Variants in RECQL4 observed in about 807,000 individuals in gnomAD.
The protein encoded by RECQL4 is RecQ like helicase 4.
In RECQL4, 158 loss-of-function variants were observed where a neutral mutation model predicts 128.6. The ratio of observed to expected loss-of-function variants is 1.23; its 90% CI spans 1.08 to 1.40. RECQL4 has a LOEUF of 1.40. RECQL4 is among the 40% of genes most tolerant of loss of function. RECQL4 has a pLI of 0.00. For synonymous variants in RECQL4, 996 were observed against 678.9 expected (o/e 1.47, Z -7.26); for missense variants, 2,293 against 1,649.8 (o/e 1.39, Z -6.75).
chr8:144,515,956 G>A (rs375029081), intron 5 of RECQL4, 32 bp downstream of exon 5: 41 of 1,611,632 alleles, frequency 2.5e-5, no homozygotes, highest in Middle Eastern at 1.6e-4. Context: ...GGAGGGAAAG[G>A]GAATGCCTGT....
rs995015088 is a variant in RECQL4, at chr8:144,511,937, G to C, written c.3367C>G (p.Gln1123Glu). The change falls in exon 19 of 21, where the codon CAG (glutamine) becomes GAG (glutamate). Residue 1123 changes from glutamine to glutamate, a missense_variant. Physicochemically the swap from Gln to Glu is conservative, Grantham distance 29. Transcript: ENST00000617875. ...CTGGCCTGCCCTGGCTCGGGGCCCT[G>C]TGCGTCCTCCATGCCTCCCGGCTCC... Reference protein sequence around the residue: ...GQEPGGMEDAQGPEPGQARLQ... With the variant: ...GQEPGGMEDAEGPEPGQARLQ... 2 of 1,611,342 alleles carry C rather than the reference G, an allele frequency of 1.2e-6. No individual in the cohort carries two copies. Among genetic ancestry groups the C allele is most frequent in the Non-Finnish European group, 1.7e-6 (2 of 1,179,786 alleles).
In RECQL4 at chr8:144,516,077, G is replaced by T. The variant is rs1060501360; in HGVS notation, c.1042C>A (p.His348Asn). The T allele has an allele frequency of 1.2e-6, 2 of 1,612,690 alleles. No individual in the cohort carries two copies. The highest frequency in any genetic ancestry group is 1.7e-6 in the Non-Finnish European group (2 of 1,179,868). The change falls in exon 5 of 21, where the codon CAT becomes AAT. Residue 348 changes from histidine (H) to asparagine (N), a missense_variant. Transcript: ENST00000617875. ...AGCCGTACGTAATTGCCCCTGTCAT[G>T]GCGGGCCAGCCGAGGGAAGATGTGC... ...PLHIFPRLAR[H>N]DRGNYVRLNM...
chr8:144,516,451 C>T lies in RECQL4; in HGVS notation c.668G>A (p.Gly223Asp), dbSNP rs765520744. The T allele has an allele frequency of 2.7e-5, 44 of 1,608,768 alleles. 1 individual carries two copies. In the South Asian group the frequency reaches 4.7e-4, roughly 17 times the overall value. The change falls in exon 5 of 21, where the codon GGT becomes GAT. Residue 223 changes from glycine (G) to aspartate (D), a missense_variant. Gly to Asp is a moderately conservative substitution (Grantham distance 94). Coordinates refer to ENST00000617875, the MANE Select transcript of RECQL4 (RefSeq NM_004260.4). Reference protein sequence around the residue: ...GSEESQLLIPGESAVLGPGAG... With the variant: ...GSEESQLLIPDESAVLGPGAG... ...ACCAGGACCAAGGACAGCCGACTCA[C>T]CAGGGATCAGAAGTTGTGATTCCTC...
chr8:144,516,512 C>T lies in RECQL4; in HGVS notation c.607G>A (p.Gly203Arg), dbSNP rs1336852149. The T allele has an allele frequency of 1.9e-6, 3 of 1,609,346 alleles. No individual in the cohort carries two copies. In the East Asian group the frequency reaches 6.7e-5, roughly 36 times the overall value. Residue 203 changes from glycine (G) to arginine (R), a missense_variant, in exon 5 of 21, where the codon GGG becomes AGG. Coordinates refer to ENST00000617875, the MANE Select transcript of RECQL4 (RefSeq NM_004260.4). ...TCAGGCCTGCAGGCTTTGGGGGCCCCCAGAAAATCTGGGACCTCACTGTGA... is the reference window on the plus strand; with the variant it reads ...TCAGGCCTGCAGGCTTTGGGGGCCCTCAGAAAATCTGGGACCTCACTGTGA... ...RCHSEVPDFL[G>R]APKACRPDLG...
rs2130657334 is a variant in RECQL4, at chr8:144,512,127, G to GC, written c.3236+16dup. ...GGGAGGGTGGATGGTCCCAGGCCCC[G>GC]CCCGCCTCCTCCCAACCTGTGAAAG... On this transcript the variant is annotated intron_variant, in intron 18 of 20. Transcript: ENST00000617875. 6.2e-7 allele frequency: 1 copy of GC among 1,601,442 alleles called. No individual in the cohort carries two copies. Among genetic ancestry groups the GC allele is most frequent in the Non-Finnish European group, 8.5e-7 (1 of 1,174,072 alleles).
At chr8:144,516,805 C>A (rs777648719) in intron 4 of RECQL4, 41 bp from the exon 5 acceptor site, 1 of 1,504,858 alleles carries the variant, frequency 6.6e-7, no homozygotes. Flanking sequence ...AACTCAGGCC[C>A]CTGAGCTACT....
At chr8:144,512,823 T>C (rs996450667) in intron 15 of RECQL4, 24 bp downstream of exon 15, 15 of 1,608,424 alleles carry the variant, frequency 9.3e-6, no homozygotes, top group African/African-American at 2.7e-5. Flanking sequence ...TCCACACCCC[T>C]GTGGCTTACC....
Position 144,516,557 on chromosome 8 carries a change from G to T in RECQL4, c.562C>A (p.Pro188Thr). 6.2e-7 allele frequency: 1 copy of T among 1,609,818 alleles called. No homozygotes were observed. Among genetic ancestry groups the T allele is most frequent in the Non-Finnish European group, 8.5e-7 (1 of 1,178,898 alleles). ...CTGTGACATCGCTGTAACCAGCCAG[G>T]ATCTAGGGAGCCCAGCCGCTGGCTC... is the stretch of plus-strand genomic sequence containing the variant. ...SLSQRLGSLD[P>T]GWLQRCHSEV... The change falls in exon 5 of 21, where the codon CCT becomes ACT. Residue 188 changes from proline (P) to threonine (T), a missense_variant. Coordinates refer to ENST00000617875, the MANE Select transcript of RECQL4 (RefSeq NM_004260.4).
chr8:144,515,289 C>T (rs1827996571), intron 7 of RECQL4, 37 bp downstream of exon 7: 3 of 1,610,912 alleles, frequency 1.9e-6, no homozygotes, highest in Non-Finnish European at 2.5e-6. Flanking sequence ...ACCCCAACCC[C>T]TCAGTGAAGG....
Position 144,515,329 on chromosome 8 carries a change from C to T in RECQL4, c.1387G>A (p.Ala463Thr), listed in dbSNP as rs776602501. 9 of 1,612,462 alleles carry T rather than the reference C, an allele frequency of 5.6e-6. No individual in the cohort carries two copies. The highest frequency in any genetic ancestry group is 3.3e-5 in the South Asian group (3 of 91,042). ...LYSLGPSGQL[A>T]ETPAEVFQAL... ...GGGCCAGAAGCTGACTGCTCACCTG[C>T]CAACTGCCCTGAGGGCCCCAGGGAG... The change falls in exon 7 of 21, where the codon GCA (alanine) becomes ACA (threonine). Residue 463 changes from alanine to threonine, a missense_variant. Physicochemically the swap from Ala to Thr is moderately conservative, Grantham distance 58. Transcript: ENST00000617875.
intron 15 of RECQL4, 35 bp downstream of exon 15, chr8:144,512,812 C>G: frequency 6.2e-7 from 1 of 1,609,526 alleles, no homozygotes; most frequent in Non-Finnish European, 8.5e-7. Flanking sequence ...GGGACAGCCC[C>G]TCCACACCCC....
rs2130673117 is a variant in RECQL4, at chr8:144,513,083, AG to A, written c.2518del (p.Leu840TrpfsTer3). 1 of 1,577,402 alleles carries A rather than the reference AG, an allele frequency of 6.3e-7. No individual in the cohort carries two copies. The highest frequency in any genetic ancestry group is 1.3e-5 in the African/African-American group (1 of 74,168). ...RHVHADSTDFLAVKRLVQRVF... is the reference protein window; with the variant it reads ...RHVHADSTDFXAVKRLVQRVF... ...GCGCTGTACCAGCCTCTTCACAGCC[AG>A]GAAGTCCGTGCTGTCGGCGTGCACA... On this transcript the variant is annotated frameshift_variant, in exon 15 of 21. Coordinates refer to ENST00000617875, the MANE Select transcript of RECQL4 (RefSeq NM_004260.4). LOFTEE classifies it high-confidence loss of function.
chr8:144,515,271 C>T (rs757613423), intron 7 of RECQL4, 29 bp from the exon 8 acceptor site: 28 of 1,608,496 alleles, frequency 1.7e-5, no homozygotes, highest in East Asian at 2.2e-5. Flanking sequence ...ATCACCATGA[C>T]TTGAGTCACC....
At chr8:144,515,676 G>C (rs1269107305) in intron 6 of RECQL4, 88 bp downstream of exon 6, 1 of 1,534,472 alleles carries the variant, frequency 6.5e-7, no homozygotes, top group Non-Finnish European at 8.8e-7. Context: ...TGGAAGGCCT[G>C]TTGCTTGGAA....
chr8:144,511,655 A>G, intron 20 of RECQL4, 26 bp downstream of exon 20: 2 of 1,608,014 alleles, frequency 1.2e-6, no homozygotes, highest in East Asian at 2.2e-5. Context: ...CCCAGCCTGC[A>G]GCGGGTGGGG....
chr8:144,513,759 GGCGTGT>G, intron 12 of RECQL4, 47 bp from the exon 13 acceptor site: 2 of 1,498,012 alleles, frequency 1.3e-6, no homozygotes, highest in South Asian at 1.3e-5. Flanking sequence ...AGGAGGGGTC[GGCGTGT>G]GCAGTGGGGA....
Position 144,516,353 on chromosome 8 carries a change from T to C in RECQL4, c.766A>G (p.Ser256Gly). 1 of 1,610,080 alleles carries C rather than the reference T, an allele frequency of 6.2e-7. No individual in the cohort carries two copies. The highest frequency in any genetic ancestry group is 8.5e-7 in the Non-Finnish European group (1 of 1,179,648). Residue 256 changes from serine (S) to glycine (G), a missense_variant, in exon 5 of 21, where the codon AGC (serine) becomes GGC (glycine). By Grantham distance (56) the Ser-to-Gly change is moderately conservative. Transcript: ENST00000617875. ...CATCTCCGCTTCTCGCCTCCACTGC[T>C]GCTGGGCTGGGGGCTCCCCACACGG... ...SIRVGSPQPS[S>G]SGGEKRRWNE...
Position 144,514,368 on chromosome 8 carries a change from G to A in RECQL4, c.1705-6C>T, listed in dbSNP as rs1554899989. 13 of 1,600,090 alleles carry A rather than the reference G, an allele frequency of 8.1e-6. No homozygotes were observed. The highest frequency in any genetic ancestry group is 1.1e-5 in the Non-Finnish European group (13 of 1,170,968). The stretch of plus-strand genomic sequence containing the variant: ...TGTACCTGGGCTGCCCGAATCTGAA[G>A]GCAGCAAGATCAGAGGCACAGCCCA... On this transcript the variant is annotated splice_region_variant and splice_polypyrimidine_tract_variant and intron_variant, in intron 10 of 20. Coordinates refer to ENST00000617875, the MANE Select transcript of RECQL4 (RefSeq NM_004260.4).
In RECQL4 at chr8:144,515,975, G is replaced by C. The variant is rs774077911; in HGVS notation, c.1131+13C>G. The C allele has an allele frequency of 1.9e-6, 3 of 1,610,612 alleles. No individual in the cohort carries two copies. The South Asian group carries it at 3.3e-5, about 18-fold the overall frequency. On this transcript the variant is annotated intron_variant, in intron 5 of 20. Coordinates refer to ENST00000617875, the MANE Select transcript of RECQL4 (RefSeq NM_004260.4). The stretch of plus-strand genomic sequence containing the variant: ...GGAAAGGGAATGCCTGTCCTGGCCC[G>C]TCGCTGTCTTACCTGCTTGCGGAGG...
Sources: allele counts gnomAD v4.1 joint callset, GRCh38; gene constraint gnomAD v4.1.1; transcripts MANE v1.5; gene names NCBI Gene and HGNC (gene_info 2026-07-23, HGNC 2026-07-21).